Variants in KRABD5 observed in about 807,000 individuals in gnomAD.
KRABD5 encodes KRAB domain-containing protein 5.
At chr16:31,734,176 A>G in the KRABD5 span, among the ~76,000 whole-genome samples, 1 of 151,892 alleles carries the variant, frequency 6.6e-6, no homozygotes, top group South Asian at 2.1e-4. Context: ...TGTTTAGTGC[A>G]TTACCTCATG....
chr16:31,722,085 GT>G, the KRABD5 span, among the ~76,000 whole-genome samples: 1 of 151,752 alleles, frequency 6.6e-6, no homozygotes, highest in African/African-American at 2.4e-5. Context: ...TTTTGTTTTT[GT>G]TTTTTGAGAC....
chr16:31,715,352 G>A, the KRABD5 span, among the ~76,000 whole-genome samples: 1 of 152,162 alleles, frequency 6.6e-6, no homozygotes, highest in Non-Finnish European at 1.5e-5. Context: ...ATAACAGGAA[G>A]AAGATTCTTT....
At chr16:31,746,942 T>C in the KRABD5 span, among the ~76,000 whole-genome samples, 1 of 152,078 alleles carries the variant, frequency 6.6e-6, no homozygotes, top group Non-Finnish European at 1.5e-5. Context: ...CATGAAGTTC[T>C]CATGCTGTGT....
chr16:31,718,947 C>G, the KRABD5 span, among the ~76,000 whole-genome samples: 2 of 152,186 alleles, frequency 1.3e-5, no homozygotes, highest in Non-Finnish European at 2.9e-5. Context: ...ATTTGTTCCT[C>G]CACTCACAGA....
At chr16:31,742,143 G>A in the KRABD5 span, among the ~76,000 whole-genome samples, 6 of 151,058 alleles carry the variant, frequency 4.0e-5, no homozygotes, top group South Asian at 6.3e-4. Flanking sequence ...CTGTTCCATC[G>A]GTCTGTGTGT....
chr16:31,724,626 A>T, the KRABD5 span, among the ~76,000 whole-genome samples: 1 of 151,192 alleles, frequency 6.6e-6, no homozygotes, highest in Admixed American at 6.6e-5. Context: ...TGGGAGGCGG[A>T]GCTTGCAGTG....
At chr16:31,736,709 A>G in the KRABD5 span, among the ~76,000 whole-genome samples, 113,484 of 151,654 alleles carry the variant, frequency 0.75, 42,814 homozygotes, top group Middle Eastern at 0.79. Flanking sequence ...TGATAGAGAC[A>G]GGGTTTCACC....
At chr16:31,748,267 T>C in the KRABD5 span, among the ~76,000 whole-genome samples, 1 of 152,234 alleles carries the variant, frequency 6.6e-6, no homozygotes. Context: ...CCATTTCTAG[T>C]TTTTGTCAGG....
At chr16:31,735,102 CTCTTTCTT>C in the KRABD5 span, among the ~76,000 whole-genome samples, 5 of 150,226 alleles carry the variant, frequency 3.3e-5, no homozygotes, top group Admixed American at 2.6e-4. Context: ...TTCTTTCTCT[CTCTTTCTT>C]TCTTTTTTTC....
the KRABD5 span, among the ~76,000 whole-genome samples, chr16:31,721,198 A>G: frequency 2.0e-5 from 3 of 152,202 alleles, no homozygotes; most frequent in Non-Finnish European, 2.9e-5. Context: ...GCCATCATCC[A>G]TATAGTTTTA....
At chr16:31,725,794 T>TC in the KRABD5 span, among the ~76,000 whole-genome samples, 1 of 152,234 alleles carries the variant, frequency 6.6e-6, no homozygotes, top group South Asian at 2.1e-4. Context: ...GACTTTCTAG[T>TC]CAGGTCCTTT....
At chr16:31,713,741 G>C in the KRABD5 span, among the ~76,000 whole-genome samples, 1 of 152,208 alleles carries the variant, frequency 6.6e-6, no homozygotes, top group Admixed American at 6.5e-5. Flanking sequence ...CCGGGTCGGC[G>C]TGTGATTCGT....
the KRABD5 span, among the ~76,000 whole-genome samples, chr16:31,716,987 G>A: frequency 7.1e-6 from 1 of 140,042 alleles, no homozygotes; most frequent in Non-Finnish European, 1.5e-5. Flanking sequence ...TCTTTTGTCA[G>A]TCAGTCTTTG....
chr16:31,737,177 A>G, the KRABD5 span, among the ~76,000 whole-genome samples: 1 of 151,778 alleles, frequency 6.6e-6, no homozygotes, highest in South Asian at 2.1e-4. Flanking sequence ...CTCCTATTCA[A>G]CATAGTACTA....
At chr16:31,746,222 T>C in the KRABD5 span, among the ~76,000 whole-genome samples, 12 of 152,244 alleles carry the variant, frequency 7.9e-5, no homozygotes, top group South Asian at 2.5e-3. Flanking sequence ...CATTAGTCTT[T>C]ATGTTTTTGT....
the KRABD5 span, chr16:31,754,086 T>C: frequency 3.0e-5 from 22 of 741,530 alleles, no homozygotes; most frequent in East Asian, 5.9e-4. Flanking sequence ...ACTTACCTTT[T>C]CTTTTAAAGG....
the KRABD5 span, among the ~76,000 whole-genome samples, chr16:31,725,594 C>T: frequency 2.7e-4 from 41 of 152,272 alleles, no homozygotes; most frequent in African/African-American, 8.9e-4. Context: ...CATTTGTGAT[C>T]GCTTGTCTCT....
the KRABD5 span, chr16:31,759,669 T>A: frequency 5.3e-5 from 16 of 303,452 alleles, no homozygotes; most frequent in South Asian, 7.2e-4. Flanking sequence ...TATTTTTATG[T>A]CTTTAATAGC....
chr16:31,743,165 C>T, the KRABD5 span, among the ~76,000 whole-genome samples: 1 of 152,064 alleles, frequency 6.6e-6, no homozygotes, highest in South Asian at 2.1e-4. Context: ...GTTGCAATTG[C>T]TTTTGGTGTT....
Sources: gnomAD v4.1 joint callset for allele counts (sites outside exome capture counted in the v4.1 genomes callset) on GRCh38, gnomAD v4.1.1 for gene constraint, MANE v1.5 for transcripts, NCBI Gene and HGNC (gene_info 2026-07-23, HGNC 2026-07-21) for gene names.